The following DCC variants were observed in gnomAD, a reference collection of about 807,000 sequenced individuals.
The protein encoded by DCC is DCC netrin 1 receptor.
DCC carries 58 observed loss-of-function variants against 172.5 expected under a neutral mutation model. The ratio of observed to expected loss-of-function variants is 0.34; its 90% CI spans 0.27 to 0.42. The LOEUF is 0.42. Ranked by LOEUF, DCC falls within the 10% of genes least tolerant of loss-of-function variation. The pLI is 1.00. For synonymous variants in DCC, 709 were observed against 644.5 expected (o/e 1.10, Z -1.52); for missense variants, 1,740 against 1,791.0 (o/e 0.97, Z 0.51).
intron 7 of DCC, among the ~76,000 whole-genome samples, chr18:53,147,128 T>TA (rs1368992961): frequency 5.3e-5 from 8 of 152,190 alleles, no homozygotes; most frequent in Admixed American, 4.6e-4. Flanking sequence ...AAGGTGTAAG[T>TA]ACTAGGTTCA....
At chr18:52,754,506 G>A (rs2037047475) in intron 2 of DCC, among the ~76,000 whole-genome samples, 1 of 152,170 alleles carries the variant, frequency 6.6e-6, no homozygotes, top group African/African-American at 2.4e-5. Flanking sequence ...CACCATGTGA[G>A]GATACAATGA....
At chr18:53,239,483 G>T (rs748148406) in intron 12 of DCC, among the ~76,000 whole-genome samples, 2 of 152,106 alleles carry the variant, frequency 1.3e-5, no homozygotes, top group Non-Finnish European at 2.9e-5. Context: ...AGGCCAGGAT[G>T]AGAGATGATG....
At chr18:52,590,693 T>C (rs1318520834) in intron 1 of DCC, among the ~76,000 whole-genome samples, 1 of 152,220 alleles carries the variant, frequency 6.6e-6, no homozygotes, top group East Asian at 1.9e-4. Flanking sequence ...ACCATCCATG[T>C]GGTCATACCA....
intron 14 of DCC, among the ~76,000 whole-genome samples, chr18:53,328,213 G>A (rs933257264): frequency 6.6e-6 from 1 of 152,196 alleles, no homozygotes; most frequent in Non-Finnish European, 1.5e-5. Context: ...AAACTTTAAT[G>A]TGCCCATGGA....
intron 1 of DCC, among the ~76,000 whole-genome samples, chr18:52,560,488 T>C (rs757064693): frequency 6.6e-6 from 1 of 152,214 alleles, no homozygotes; most frequent in Non-Finnish European, 1.5e-5. Flanking sequence ...TTGGTATCTA[T>C]GGCCTCTCTC....
At chr18:53,277,787 C>T (rs184023112) in intron 12 of DCC, among the ~76,000 whole-genome samples, 2 of 152,238 alleles carry the variant, frequency 1.3e-5, no homozygotes, top group Non-Finnish European at 2.9e-5. Flanking sequence ...TATTTACAGC[C>T]AGGTGAAACT....
chr18:52,835,133 G>T (rs929413325), intron 2 of DCC, among the ~76,000 whole-genome samples: 21 of 152,014 alleles, frequency 1.4e-4, no homozygotes, highest in Admixed American at 9.8e-4. Context: ...ACATTCCATG[G>T]GTGTTTTGTA....
Position 52,674,114 on chromosome 18 carries a change from A to G in DCC, c.92-77940A>G, listed in dbSNP as rs147532484. 2.0e-5 allele frequency among the ~76,000 whole-genome samples: 3 copies of G among 152,322 alleles called. 1 individual carries two copies. In the East Asian group the frequency reaches 5.8e-4, roughly 29 times the overall value. The stretch of plus-strand genomic sequence containing the variant: ...GAAGTCATGAATAAGTCCAGATTCA[A>G]TGCAGGAGACATTGTGTTAATCAGG... On this transcript the variant is annotated intron_variant, in intron 1 of 28. Coordinates refer to ENST00000442544, the MANE Select transcript of DCC (RefSeq NM_005215.4).
intron 1 of DCC, among the ~76,000 whole-genome samples, chr18:52,510,106 C>G (rs1003525735): frequency 3.5e-5 from 5 of 142,028 alleles, no homozygotes; most frequent in East Asian, 2.3e-4. Context: ...TTCTGTCCCC[C>G]CTGCATCCCC....
At chr18:52,907,321 T>C (rs2039901377) in intron 3 of DCC, among the ~76,000 whole-genome samples, 1 of 61,414 alleles carries the variant, frequency 1.6e-5, no homozygotes, top group African/African-American at 4.7e-5. Flanking sequence ...TGTATATGTA[T>C]ATATCCATAT....
chr18:52,480,695 G>C (rs1002275828), intron 1 of DCC, among the ~76,000 whole-genome samples: 5 of 152,152 alleles, frequency 3.3e-5, no homozygotes, highest in Admixed American at 3.3e-4. Context: ...AGGTGTCTTT[G>C]TGTTTTCTGG....
At chr18:53,261,636 C>A (rs967717560) in intron 12 of DCC, among the ~76,000 whole-genome samples, 1 of 152,086 alleles carries the variant, frequency 6.6e-6, no homozygotes, top group African/African-American at 2.4e-5. Flanking sequence ...TCAGCCTCTC[C>A]GAGTAGCTGG....
In DCC at chr18:52,722,662, T is replaced by C. The variant is rs2036490618; in HGVS notation, c.92-29392T>C. ...ATGTCCTCCCAATTGTTCAGACGCATCTGTCCATTTCTTCTTTTTGAGGAA... is the reference window on the plus strand; with the variant it reads ...ATGTCCTCCCAATTGTTCAGACGCACCTGTCCATTTCTTCTTTTTGAGGAA... On this transcript the variant is annotated intron_variant, in intron 1 of 28. Transcript: ENST00000442544. 2.6e-5 allele frequency among the ~76,000 whole-genome samples: 4 copies of C among 152,160 alleles called. No individual in the cohort carries two copies. The South Asian group carries it at 8.3e-4, about 32-fold the overall frequency.
chr18:52,705,435 G>A (rs1269539093), intron 1 of DCC, among the ~76,000 whole-genome samples: 1 of 152,200 alleles, frequency 6.6e-6, no homozygotes, highest in African/African-American at 2.4e-5. Flanking sequence ...AAATGTTGCT[G>A]CTTGTGCAAA....
intron 3 of DCC, among the ~76,000 whole-genome samples, chr18:52,907,307 C>CATATGGATATATCCATATGT (rs1555680326): frequency 9.9e-6 from 1 of 101,516 alleles, no homozygotes; most frequent in African/African-American, 3.6e-5. Context: ...TGGATATATA[C>CATATGGATATATCCATATGT]ATATGTATAT....
intron 2 of DCC, among the ~76,000 whole-genome samples, chr18:52,786,480 T>C (rs1176195499): frequency 1.3e-5 from 2 of 152,122 alleles, no homozygotes; most frequent in African/African-American, 2.4e-5. Context: ...CAAATTATGA[T>C]AGGACCATGT....
In DCC at chr18:53,245,605, C is replaced by A. The variant is rs142288582; in HGVS notation, c.1911+30008C>A. On this transcript the variant is annotated intron_variant, in intron 12 of 28. Transcript: ENST00000442544. ...TGTCGGTTTACAGTTCAAATTCAGG[C>A]CCTAGGAGTATAATGTTTCTCCTTT... Among the ~76,000 whole-genome samples the A allele has an allele frequency of 4.4e-3, 667 of 152,146 alleles. 5 individuals are homozygous for A. Among genetic ancestry groups the A allele is most frequent in the African/African-American group, 0.015 (624 of 41,518 alleles).
intron 12 of DCC, among the ~76,000 whole-genome samples, chr18:53,256,547 C>G (rs557207866): frequency 2.6e-4 from 40 of 152,168 alleles, no homozygotes; most frequent in Non-Finnish European, 4.6e-4. Flanking sequence ...TTTCTGAGGG[C>G]TCTGTTCTGT....
rs182992903 is a variant in DCC, at chr18:53,351,353, A to T, written c.2359+11446A>T. On this transcript the variant is annotated intron_variant, in intron 15 of 28. Transcript: ENST00000442544. ...ATATACAGTGTATATATATATACAC[A>T]GTATATATATATACTGTATATATAT... 7.4e-3 allele frequency among the ~76,000 whole-genome samples: 379 copies of T among 51,484 alleles called. 22 individuals carry two copies. The highest frequency in any genetic ancestry group is 0.015 in the African/African-American group (275 of 17,794). The allele number at this position is 51,484 out of a possible 152,430, so 33.8% of individuals were successfully genotyped here.
Sources: allele counts gnomAD v4.1 joint callset (sites outside exome capture counted in the v4.1 genomes callset), GRCh38; gene constraint gnomAD v4.1.1; transcripts MANE v1.5; gene names NCBI Gene and HGNC (gene_info 2026-07-23, HGNC 2026-07-21).